The following UBL7 variants were observed in gnomAD, a reference collection of about 807,000 sequenced individuals.
UBL7 encodes the protein ubiquitin-like protein 7.
A neutral mutation model predicts 41.7 loss-of-function variants in UBL7; 21 were observed. That is an observed-to-expected ratio of 0.50 (90% CI 0.36 to 0.73). UBL7 has a LOEUF of 0.73. Among genes scored for constraint, UBL7 ranks in the 30% least tolerant of loss-of-function variants. UBL7 has a pLI of 0.00. For synonymous variants in UBL7, 157 were observed against 186.9 expected (o/e 0.84, Z 1.31); for missense variants, 403 against 478.4 (o/e 0.84, Z 1.47).
chr15:74,451,487 C>G lies in UBL7; in HGVS notation c.421G>C (p.Asp141His), dbSNP rs1470370353. The change falls in exon 5 of 11, where the codon GAT (aspartate) becomes CAT (histidine). Residue 141 changes from aspartate to histidine, a missense_variant. Coordinates refer to ENST00000395081, the MANE Select transcript of UBL7 (RefSeq NM_032907.5). The part of the protein sequence containing the change: ...FKMLSNKESL[D>H]QIIVATPGLS... The stretch of plus-strand genomic sequence containing the variant: ...CCTGGGGTGGCCACAATGATCTGAT[C>G]CAGAGACTCCTTATTGCTGAGCATC... The G allele has an allele frequency of 6.2e-7, 1 of 1,614,118 alleles. No individual in the cohort carries two copies. The highest frequency in any genetic ancestry group is 8.5e-7 in the Non-Finnish European group (1 of 1,180,022).
rs1304662160 is a variant in UBL7 at position 74,446,323 on chromosome 15, G to T, written c.1006-96C>A. 2.0e-6 allele frequency: 3 copies of T among 1,514,804 alleles called. No homozygotes were observed. Among genetic ancestry groups the T allele is most frequent in the Non-Finnish European group, 2.7e-6 (3 of 1,117,868 alleles). 93.8% of individuals were successfully genotyped at this position (1,514,804 alleles called of 1,614,324 possible). On this transcript the variant is annotated intron_variant, in intron 10 of 10. Transcript: ENST00000395081. The surrounding 1 kb of genome is among the most constrained non-coding windows in gnomAD (Gnocchi z 4.1). ...TCCGGGGAAGGAAAGGAAGATGGGG[G>T]AGTCCTCAGCAAAGCTGCTGATGCT...
At chr15:74,460,526 A>G (rs2061338683) in intron 1 of UBL7, 1 of 436,256 alleles carries the variant, frequency 2.3e-6, no homozygotes, top group South Asian at 2.1e-5. Flanking sequence ...CAATAACCTC[A>G]GTCCCCTCTC....
At chr15:74,449,747 A>C in intron 7 of UBL7, 72 bp from the exon 8 acceptor site, 1 of 1,596,884 alleles carries the variant, frequency 6.3e-7, no homozygotes, top group Non-Finnish European at 8.6e-7. Context: ...TCTCAGCTCA[A>C]GTTACTCTCC....
chr15:74,451,415 C>G (rs759848819), intron 5 of UBL7, 21 bp downstream of exon 5: 2 of 1,607,986 alleles, frequency 1.2e-6, no homozygotes, highest in Admixed American at 1.7e-5. Flanking sequence ...CCTATTTCCT[C>G]AAATTCAGTC....
chr15:74,446,624 TGTTTG>T lies in UBL7; in HGVS notation c.1006-402_1006-398del, dbSNP rs1316818240. ...GCCTTTGGACTTTGCTTCGGTTTTT[TGTTTG>T]GTTTGGTTTGCCACGCAGAAATTTT... On this transcript the variant is annotated intron_variant, in intron 10 of 10. Coordinates refer to ENST00000395081, the MANE Select transcript of UBL7 (RefSeq NM_032907.5). This position sits in a 1 kb window ranked among gnomAD's most constrained non-coding sequence, Gnocchi z 4.1. 6.6e-6 allele frequency among the ~76,000 whole-genome samples: 1 copy of T among 152,268 alleles called. No individual in the cohort carries two copies. The highest frequency in any genetic ancestry group is 1.9e-4 in the East Asian group (1 of 5,204).
At chr15:74,447,400 T>C (rs11854461) in intron 10 of UBL7, among the ~76,000 whole-genome samples, 41,448 of 152,034 alleles carry the variant, frequency 0.27, 7,781 homozygotes, top group East Asian at 0.55. Flanking sequence ...GTGACCTTTC[T>C]CCTCCTTAAA....
chr15:74,450,145 C>G (rs2061229658), intron 6 of UBL7, 76 bp from the exon 7 acceptor site: 2 of 1,468,138 alleles, frequency 1.4e-6, no homozygotes, highest in Admixed American at 4.7e-5. Context: ...TTCTGGGTGC[C>G]CCCTCACAAC....
chr15:74,450,981 G>T (rs2061240241), intron 5 of UBL7, 122 bp from the exon 6 acceptor site: 2 of 1,003,724 alleles, frequency 2.0e-6, no homozygotes, highest in African/African-American at 1.6e-5. Flanking sequence ...CAATCTTCAT[G>T]AGAAGTAGAG....
chr15:74,458,218 T>G (rs1476340572), intron 2 of UBL7, among the ~76,000 whole-genome samples: 1 of 151,850 alleles, frequency 6.6e-6, no homozygotes, highest in African/African-American at 2.4e-5. Context: ...AATCACAAGG[T>G]TAGGAGTTCA....
At chr15:74,453,141 G>C (rs2061265368) in intron 3 of UBL7, among the ~76,000 whole-genome samples, 1 of 152,140 alleles carries the variant, frequency 6.6e-6, no homozygotes, top group African/African-American at 2.4e-5. Flanking sequence ...GGGGTTCAGG[G>C]TGGCAGCCAC....
chr15:74,451,972 G>T (rs564392288), intron 4 of UBL7, among the ~76,000 whole-genome samples: 3 of 152,282 alleles, frequency 2.0e-5, no homozygotes, highest in Non-Finnish European at 2.9e-5. Flanking sequence ...CCCCAGTGAG[G>T]ACATCTAGGT....
In UBL7 at chr15:74,458,804, T is replaced by A; in HGVS notation, c.64A>T (p.Ile22Phe). The change falls in exon 2 of 11, where the codon ATT (isoleucine) becomes TTT (phenylalanine). Residue 22 changes from isoleucine to phenylalanine, a missense_variant. Physicochemically the swap from Ile to Phe is conservative, Grantham distance 21. Coordinates refer to ENST00000395081, the MANE Select transcript of UBL7 (RefSeq NM_032907.5). Reference protein sequence around the residue: ...LADQPLTPKSILRLPETELGE... With the variant: ...LADQPLTPKSFLRLPETELGE... ...AGTTCTGTCTCTGGCAACCGAAGAA[T>A]AGACTTTGGAGTAAGTGGCTGGTCA... The A allele has an allele frequency of 1.2e-6, 2 of 1,613,730 alleles. No individual in the cohort carries two copies. The highest frequency in any genetic ancestry group is 2.2e-5 in the South Asian group (2 of 91,088).
chr15:74,455,615 T>C (rs554117118), intron 3 of UBL7, among the ~76,000 whole-genome samples: 2 of 152,314 alleles, frequency 1.3e-5, no homozygotes, highest in Admixed American at 1.3e-4. Context: ...AAGTTTACTT[T>C]GTATCACTAA....
intron 10 of UBL7, among the ~76,000 whole-genome samples, chr15:74,447,454 G>C (rs1424819815): frequency 6.6e-6 from 1 of 152,150 alleles, no homozygotes; most frequent in Non-Finnish European, 1.5e-5. Context: ...TGTAATCCCA[G>C]AACTCTGGGA....
intron 3 of UBL7, 88 bp from the exon 4 acceptor site, chr15:74,452,466 G>T: frequency 7.5e-7 from 1 of 1,333,746 alleles, no homozygotes. Flanking sequence ...ATGTGCCAAG[G>T]AGCAGCCTGG....
chr15:74,449,151 G>T (rs114297993), intron 9 of UBL7, 35 bp downstream of exon 9: 1 of 1,514,494 alleles, frequency 6.6e-7, no homozygotes, highest in Non-Finnish European at 8.8e-7. Context: ...TTCCTTGGGG[G>T]CCCAGCCTTG....
intron 1 of UBL7, among the ~76,000 whole-genome samples, chr15:74,459,739 G>A (rs1363686352): frequency 5.3e-5 from 8 of 151,402 alleles, no homozygotes; most frequent in Non-Finnish European, 1.0e-4. Flanking sequence ...GCCTAGGCGG[G>A]CGGATTGCCT....
intron 4 of UBL7, among the ~76,000 whole-genome samples, chr15:74,452,001 C>T (rs1424378425): frequency 6.6e-6 from 1 of 152,198 alleles, no homozygotes. Flanking sequence ...AGTAAGCAGG[C>T]AGTTCAGCCA....
intron 1 of UBL7, chr15:74,460,694 A>C (rs1359465937): frequency 7.8e-7 from 1 of 1,289,118 alleles, no homozygotes; most frequent in Non-Finnish European, 1.0e-6. Context: ...CCCAGAAAAT[A>C]AATCAGAAAC....
Sources: gnomAD v4.1 joint callset for allele counts (sites outside exome capture counted in the v4.1 genomes callset) on GRCh38, gnomAD v4.1.1 for gene constraint, Gnocchi (gnomAD v3.1) non-coding constraint, MANE v1.5 for transcripts, NCBI Gene and HGNC (gene_info 2026-07-23, HGNC 2026-07-21) for gene names.